DGKH: variants seen among roughly 807,000 people sequenced by gnomAD.
DGKH encodes the protein diacylglycerol kinase eta.
DGKH carries 90 observed loss-of-function variants against 159.3 expected under a neutral mutation model. The observed-to-expected ratio is 0.57, with a 90% CI of 0.48 to 0.67. The LOEUF is 0.67. DGKH is among the 30% of genes least tolerant of loss of function. The probability of loss-of-function intolerance (pLI) is 0.00; values close to 1 mark genes in which losing one functional copy is unlikely to be tolerated. For missense variants in DGKH, 1,181 were observed against 1,506.1 expected, an observed-to-expected ratio of 0.78 and a Z score of 3.57; for synonymous variants, 536 against 553.8, an observed-to-expected ratio of 0.97 and a Z score of 0.45.
chr13:42,245,236 A>C (rs2138333522), downstream of DGKH, among the ~76,000 whole-genome samples: 1 of 152,322 alleles, frequency 6.6e-6, no homozygotes, highest in East Asian at 1.9e-4. Flanking sequence ...CCTTTGATAG[A>C]GAGATTCAAA....
At chr13:42,070,963 T>C in intron 1 of DGKH, 1 of 1,313,210 alleles carries the variant, frequency 7.6e-7, no homozygotes, top group Non-Finnish European at 1.1e-6. Context: ...GGCTACTCTT[T>C]TGTCACAATC....
At chr13:42,143,414 A>G (rs1333162559) in intron 3 of DGKH, among the ~76,000 whole-genome samples, 1 of 152,156 alleles carries the variant, frequency 6.6e-6, no homozygotes, top group Non-Finnish European at 1.5e-5. Flanking sequence ...CTGCCCTCAT[A>G]AAATGAGTTA....
rs745732724 is a variant in DGKH, at chr13:42,174,068, T to C, written c.1376T>C (p.Ile459Thr). Reference sequence around the variant, plus strand: ...AGTTTTTCTCCCTTCAGGTGGAGTATAATGACATATGAACTCAAATTGCCA... The same window carrying C: ...AGTTTTTCTCCCTTCAGGTGGAGTACAATGACATATGAACTCAAATTGCCA... ...ASTKMLDRWS[I>T]MTYELKLPPK... Residue 459 changes from isoleucine to threonine, a missense_variant, in exon 12 of 30, where the codon ATA becomes ACA. Physicochemically the swap from Ile to Thr is moderately conservative, Grantham distance 89 (BLOSUM62 -1). Transcript: ENST00000337343. 6.2e-7 allele frequency: 1 copy of C among 1,613,558 alleles called. No homozygotes were observed. Among genetic ancestry groups the C allele is most frequent in the Non-Finnish European group, 8.5e-7 (1 of 1,179,798 alleles).
At position 42,215,744 on chromosome 13, in the gene DGKH, T is replaced by C. The variant is rs1957774708; in HGVS notation, c.3213+77T>C. On this transcript the variant is annotated intron_variant, in intron 26 of 29. Transcript: ENST00000337343. Reference sequence around the variant, plus strand: ...TCTTACCTTCATTGGGGAACAGGCATTTGGCAGATTCTAAGGCAGAAGCAG... The same window carrying C: ...TCTTACCTTCATTGGGGAACAGGCACTTGGCAGATTCTAAGGCAGAAGCAG... 4.5e-6 allele frequency: 6 copies of C among 1,319,670 alleles called. No homozygotes were observed. The Admixed American group carries it at 1.2e-4, about 26-fold the overall frequency. 81.7% of individuals were successfully genotyped at this position (1,319,670 alleles called of 1,614,324 possible). A position where few individuals can be genotyped will look rare whatever the true frequency, so the allele number is the denominator to read the frequency against.
intron 15 of DGKH, among the ~76,000 whole-genome samples, chr13:42,189,926 C>G (rs970171782): frequency 6.6e-6 from 1 of 152,130 alleles, no homozygotes; most frequent in Non-Finnish European, 1.5e-5. Flanking sequence ...CCTCAGCCTC[C>G]CGAAGTGCTG....
chr13:42,186,041 GTGTGTGTGTA>G (rs1444138724), intron 13 of DGKH, among the ~76,000 whole-genome samples: 7 of 149,586 alleles, frequency 4.7e-5, no homozygotes, highest in Non-Finnish European at 7.5e-5. Context: ...GTGTGTGTGT[GTGTGTGTGTA>G]TGTCCTGTGT....
At chr13:42,062,250 G>T (rs997069678) in intron 1 of DGKH, among the ~76,000 whole-genome samples, 8 of 152,118 alleles carry the variant, frequency 5.3e-5, no homozygotes, top group African/African-American at 1.7e-4. Flanking sequence ...AGTGTTACAG[G>T]TATCTCCCTT....
chr13:42,041,240 G>A (rs1158471578), intron 1 of DGKH, among the ~76,000 whole-genome samples: 5 of 152,188 alleles, frequency 3.3e-5, no homozygotes, highest in Admixed American at 2.6e-4. Context: ...GAATGTAGGC[G>A]GGGGAGAGGA....
intron 29 of DGKH, among the ~76,000 whole-genome samples, chr13:42,250,571 A>G (rs1381992140): frequency 6.6e-6 from 1 of 152,230 alleles, no homozygotes; most frequent in Non-Finnish European, 1.5e-5. Flanking sequence ...TGGGTCATAC[A>G]AACTGGGGAC....
intron 3 of DGKH, among the ~76,000 whole-genome samples, chr13:42,150,285 G>A (rs1955843740): frequency 6.6e-6 from 1 of 151,948 alleles, no homozygotes; most frequent in South Asian, 2.1e-4. Context: ...ACAAAATATG[G>A]CAAAATGGAT....
At chr13:42,247,528 G>C (rs1030283285), downstream of DGKH, among the ~76,000 whole-genome samples, 1 of 152,162 alleles carries the variant, frequency 6.6e-6, no homozygotes, top group African/African-American at 2.4e-5. Flanking sequence ...ACTGTGCCCA[G>C]ATCTACACTT....
chr13:42,058,671 C>G (rs1051495218), intron 1 of DGKH, among the ~76,000 whole-genome samples: 10 of 152,168 alleles, frequency 6.6e-5, no homozygotes, highest in African/African-American at 2.4e-4. Flanking sequence ...CTTCTTGGCC[C>G]ACCATTAGAC....
At chr13:42,049,857 T>C (rs75673443) in intron 1 of DGKH, among the ~76,000 whole-genome samples, 1,604 of 152,360 alleles carry the variant, frequency 0.011, 16 homozygotes, top group Non-Finnish European at 0.017. Context: ...TAAAGGATTT[T>C]TATGTATTCT....
At chr13:42,080,650 C>T (rs1954183042) in intron 1 of DGKH, among the ~76,000 whole-genome samples, 1 of 152,046 alleles carries the variant, frequency 6.6e-6, no homozygotes, top group Non-Finnish European at 1.5e-5. Context: ...AAAATCAAGT[C>T]TACAATATTA....
chr13:42,047,711 C>T (rs2324850), upstream of DGKH, among the ~76,000 whole-genome samples: 82,234 of 152,034 alleles, frequency 0.54, 23,205 homozygotes, highest in African/African-American at 0.69. Context: ...GTTGATCCCA[C>T]TTCCTCCTGC....
chr13:42,099,510 C>A (rs1394294532), intron 1 of DGKH, among the ~76,000 whole-genome samples: 1 of 152,064 alleles, frequency 6.6e-6, no homozygotes, highest in Non-Finnish European at 1.5e-5. Context: ...CCTGAGAGAG[C>A]AGGGGGTATT....
chr13:42,210,579 G>T, intron 23 of DGKH, 23 bp from the exon 24 acceptor site: 3 of 1,603,040 alleles, frequency 1.9e-6, no homozygotes, highest in East Asian at 2.2e-5. Context: ...CTAACAATTC[G>T]TTACAATATT....
intron 1 of DGKH, among the ~76,000 whole-genome samples, chr13:42,087,647 G>A (rs1271316794): frequency 6.6e-6 from 1 of 151,880 alleles, no homozygotes; most frequent in Non-Finnish European, 1.5e-5. Flanking sequence ...ACTCTGAATG[G>A]GATTAACAGA....
At chr13:42,095,204 C>T (rs1397840677) in intron 1 of DGKH, among the ~76,000 whole-genome samples, 2 of 135,244 alleles carry the variant, frequency 1.5e-5, no homozygotes, top group East Asian at 2.1e-4. Context: ...CCTCTGTTGC[C>T]CAGGCTGGAG....
Sources: allele counts gnomAD v4.1 joint callset (sites outside exome capture counted in the v4.1 genomes callset), GRCh38; gene constraint gnomAD v4.1.1; transcripts MANE v1.5; gene names NCBI Gene and HGNC (gene_info 2026-07-23, HGNC 2026-07-21).